The following C4orf50 variants were observed in gnomAD, a reference collection of about 807,000 sequenced individuals.
C4orf50 encodes the protein uncharacterized protein C4orf50.
In C4orf50, 80 loss-of-function variants were observed where a neutral mutation model predicts 77.2. The ratio of observed to expected loss-of-function variants is 1.04; its 90% CI spans 0.87 to 1.25. The LOEUF is 1.25. C4orf50 is among the 50% of genes most tolerant of loss of function. C4orf50 has a pLI of 0.00. For synonymous variants in C4orf50, 532 were observed against 465.3 expected (o/e 1.14, Z -1.84); for missense variants, 1,257 against 1,152.9 (o/e 1.09, Z -1.31).
In C4orf50 at chr4:5,968,636, G is replaced by A. The variant is rs111238991; in HGVS notation, c.4105-1174C>T. Among the ~76,000 whole-genome samples, 642 of 152,236 alleles carry A rather than the reference G, an allele frequency of 4.2e-3. 4 individuals carry two copies. Among genetic ancestry groups the A allele is most frequent in the Middle Eastern group, 0.02 (6 of 294 alleles). ...TTCCAGCTGTTAAATCCTGCTTTCTGTCCTTCAAGGCCTGGTCTGAGTGCT... is the reference window on the plus strand; with the variant it reads ...TTCCAGCTGTTAAATCCTGCTTTCTATCCTTCAAGGCCTGGTCTGAGTGCT... On this transcript the variant is annotated intron_variant, in intron 31 of 33. Coordinates refer to ENST00000531445, the Ensembl canonical transcript of C4orf50.
intron 28 of C4orf50, among the ~76,000 whole-genome samples, chr4:5,985,110 C>T (rs568161082): frequency 1.1e-3 from 170 of 151,980 alleles, no homozygotes; most frequent in African/African-American, 3.8e-3. Context: ...AGTGAAATAC[C>T]TGGCTACCTA....
At chr4:5,910,497 TGTG>T (rs1224495076) in intron 7 of C4orf50, among the ~76,000 whole-genome samples, 1 of 152,240 alleles carries the variant, frequency 6.6e-6, no homozygotes, top group African/African-American at 2.4e-5. Context: ...TAATGTGAAT[TGTG>T]GTGTTTTTAA....
Position 5,932,738 on chromosome 4 carries a change from A to G in C4orf50, c.*2474+24163T>C, listed in dbSNP as rs1479865876. Among the ~76,000 whole-genome samples the G allele has an allele frequency of 6.6e-6, 1 of 152,226 alleles. No homozygotes were observed. Among genetic ancestry groups the G allele is most frequent in the East Asian group, 1.9e-4 (1 of 5,190 alleles). On this transcript the variant is annotated intron_variant, in intron 7 of 7. Transcript: ENST00000324058. This position sits in a 1 kb window ranked among gnomAD's most constrained non-coding sequence, Gnocchi z 4.2. ...ATAACAGGTGTGAGTCACTGCACCC[A>G]CATTACAGTATTAAAAAAGCAAGAG... is the stretch of plus-strand genomic sequence containing the variant.
At chr4:5,943,767 C>A (rs1718367729) in intron 7 of C4orf50, among the ~76,000 whole-genome samples, 1 of 152,190 alleles carries the variant, frequency 6.6e-6, no homozygotes, top group East Asian at 1.9e-4. Context: ...TGACAATACT[C>A]CCTTATCAGC....
In C4orf50 at chr4:6,009,990, T is replaced by TC. The variant is rs1472768510; in HGVS notation, c.427-1459dup. ...ACGCGTGTAGAAAAGGGCTTAGTGTTCCCCTGCAGAAACTGCTGGTCCCTG... is the reference window on the plus strand; with the variant it reads ...ACGCGTGTAGAAAAGGGCTTAGTGTTCCCCCTGCAGAAACTGCTGGTCCCTG... On this transcript the variant is annotated intron_variant, in intron 24 of 33. Coordinates refer to ENST00000531445, the Ensembl canonical transcript of C4orf50. This position sits in a 1 kb window ranked among gnomAD's most constrained non-coding sequence, Gnocchi z 5.6. 6.6e-6 allele frequency among the ~76,000 whole-genome samples: 1 copy of TC among 152,048 alleles called. No homozygotes were observed. The highest frequency in any genetic ancestry group is 1.5e-5 in the Non-Finnish European group (1 of 68,016).
chr4:5,959,846 G>A (rs1438795940), intron 33 of C4orf50, among the ~76,000 whole-genome samples: 2 of 152,232 alleles, frequency 1.3e-5, no homozygotes, highest in Non-Finnish European at 2.9e-5. Flanking sequence ...GTCAGAAAAT[G>A]AGATTGGGGC....
chr4:5,972,891 A>T (rs761121067), intron 31 of C4orf50, among the ~76,000 whole-genome samples: 28 of 152,204 alleles, frequency 1.8e-4, no homozygotes, highest in Non-Finnish European at 3.2e-4. Flanking sequence ...TGTAGTCAGG[A>T]GAGCTGGCAT....
exon 34 of C4orf50, chr4:5,959,012 A>C (rs955941674): frequency 4.5e-6 from 1 of 223,812 alleles, no homozygotes; most frequent in Non-Finnish European, 9.0e-6. Context: ...ACCAGATGCC[A>C]GTAGCAGTGT....
rs116290136 is a variant in C4orf50, at chr4:5,967,421, A to G, written c.4146T>C (p.Ala1382=). 7.5e-5 allele frequency: 121 copies of G among 1,613,784 alleles called. 1 individual carries two copies. The East Asian group carries it at 2.7e-3, about 36-fold the overall frequency. ...ATCAAAAATCACACTGACCTCTTAA[A>G]GCTGCCGTCATCTCAGACTTGACGT... is the stretch of plus-strand genomic sequence containing the variant. The change falls in exon 32 of 34, where the codon GCT becomes GCC. Residue 1382 remains alanine, a synonymous_variant. Coordinates refer to ENST00000531445, the Ensembl canonical transcript of C4orf50.
At chr4:5,930,327 T>G (rs1717711487) in intron 7 of C4orf50, among the ~76,000 whole-genome samples, 1 of 152,344 alleles carries the variant, frequency 6.6e-6, no homozygotes, top group Middle Eastern at 3.4e-3. Context: ...ATGTGTCAGG[T>G]GCTATTTGGT....
In C4orf50 at chr4:5,992,098, C is replaced by T. The variant is rs368568151; in HGVS notation, c.1221+705G>A. Among the ~76,000 whole-genome samples, 628 of 152,284 alleles carry T rather than the reference C, an allele frequency of 4.1e-3. 6 individuals are homozygous for T. Among genetic ancestry groups the T allele is most frequent in the African/African-American group, 0.014 (592 of 41,548 alleles). ...ACCTCACCTGTCAAATGGGGCACCT[C>T]CGTGTTCTAAGACATTGCCCTGGGC... On this transcript the variant is annotated intron_variant, in intron 27 of 33. Coordinates refer to ENST00000531445, the Ensembl canonical transcript of C4orf50. This position sits in a 1 kb window ranked among gnomAD's most constrained non-coding sequence, Gnocchi z 5.0.
At position 5,996,192 on chromosome 4, in the gene C4orf50, C is replaced by G. The variant is rs78180352; in HGVS notation, c.964-1716G>C. 3.9e-3 allele frequency among the ~76,000 whole-genome samples: 587 copies of G among 152,336 alleles called. 3 individuals are homozygous for G. Among genetic ancestry groups the G allele is most frequent in the African/African-American group, 0.013 (559 of 41,574 alleles). ...CCCAGCGCGTCCGTGCTCTCCCCGG[C>G]CTCTGCACCTTCCCATATGCTGTTC... On this transcript the variant is annotated intron_variant, in intron 25 of 33. Transcript: ENST00000531445.
At chr4:5,985,536 A>G (rs2108785773) in intron 28 of C4orf50, among the ~76,000 whole-genome samples, 1 of 152,232 alleles carries the variant, frequency 6.6e-6, no homozygotes, top group African/African-American at 2.4e-5. Context: ...GGTAACCACT[A>G]AAAGAATAAT....
At chr4:5,986,026 C>A (rs1407618493) in intron 28 of C4orf50, among the ~76,000 whole-genome samples, 1 of 152,038 alleles carries the variant, frequency 6.6e-6, no homozygotes, top group East Asian at 1.9e-4. Context: ...TTTTAAATAA[C>A]ATAACTAAAA....
chr4:5,988,201 C>G, intron 28 of C4orf50, 146 bp downstream of exon 6: 6 of 1,087,192 alleles, frequency 5.5e-6, no homozygotes, highest in Middle Eastern at 2.1e-4. Context: ...TCTCTGTTTT[C>G]TTTGTACCAA....
intron 7 of C4orf50, among the ~76,000 whole-genome samples, chr4:5,948,584 C>A (rs998186616): frequency 6.6e-6 from 1 of 152,174 alleles, no homozygotes; most frequent in Non-Finnish European, 1.5e-5. Context: ...ATCACGAGGT[C>A]AGCAGATCCA....
At chr4:6,004,351 A>C (rs1448272314) in intron 25 of C4orf50, among the ~76,000 whole-genome samples, 12 of 17,108 alleles carry the variant, frequency 7.0e-4, no homozygotes, top group African/African-American at 1.6e-3. Context: ...GGTGATGATG[A>C]CGGTGATGGT....
In C4orf50 at chr4:6,007,638, G is replaced by A. The variant is rs940354181; in HGVS notation, c.963+358C>T. On this transcript the variant is annotated intron_variant, in intron 25 of 33. Transcript: ENST00000531445. The surrounding 1 kb of genome is among the most constrained non-coding windows in gnomAD (Gnocchi z 4.1). The stretch of plus-strand genomic sequence containing the variant: ...AGTAAGTGGGCTCATAAGTGGCTGC[G>A]TGGACAAACAGGTGTTAGGATGAAT... 1.3e-5 allele frequency among the ~76,000 whole-genome samples: 2 copies of A among 152,274 alleles called. No homozygotes were observed. Among genetic ancestry groups the A allele is most frequent in the South Asian group, 2.1e-4 (1 of 4,826 alleles).
Position 6,011,878 on chromosome 4 carries a change from G to A in C4orf50, c.378C>T (p.Leu126=), listed in dbSNP as rs1722509316. 5.0e-6 allele frequency: 2 copies of A among 399,090 alleles called. No individual in the cohort carries two copies. Among genetic ancestry groups the A allele is most frequent in the Non-Finnish European group, 8.8e-6 (2 of 226,086 alleles). The allele number at this position is 399,090 out of a possible 1,614,324, so 24.7% of individuals were successfully genotyped here. A position where few individuals can be genotyped will look rare whatever the true frequency, so the allele number is the denominator to read the frequency against. ...GCGCCGCCAGCTTCTCCTGGGCCTG[G>A]AGCCAGGCGCTTCTCTCCTGGGCCA... The change falls in exon 24 of 34, where the codon CTC becomes CTT. Residue 126 remains leucine (L), a synonymous_variant. Transcript: ENST00000531445. This position sits in a 1 kb window ranked among gnomAD's most constrained non-coding sequence, Gnocchi z 4.2.
Sources: gnomAD v4.1 joint callset for allele counts (sites outside exome capture counted in the v4.1 genomes callset) on GRCh38, gnomAD v4.1.1 for gene constraint, Gnocchi (gnomAD v3.1) non-coding constraint, MANE v1.5 for transcripts, NCBI Gene and HGNC (gene_info 2026-07-23, HGNC 2026-07-21) for gene names.